Variants in CYLC2 observed in about 807,000 individuals in gnomAD.
CYLC2 encodes the protein cylicin 2.
In CYLC2, 30 loss-of-function variants were observed where a neutral mutation model predicts 26.1. That is an observed-to-expected ratio of 1.15 (90% CI 0.86 to 1.56). The LOEUF is 1.56. Ranked by LOEUF, CYLC2 falls within the 40% of genes most tolerant of loss-of-function variation. The pLI, the probability that CYLC2 is intolerant of heterozygous loss-of-function variation, is 0.00. For missense variants in CYLC2, 498 were observed against 394.4 expected (o/e 1.26, Z -2.23); for synonymous variants, 158 against 132.8 (o/e 1.19, Z -1.31).
intron 6 of CYLC2, among the ~76,000 whole-genome samples, chr9:103,013,751 T>C (rs1487781001): frequency 7.3e-5 from 8 of 110,302 alleles, no homozygotes; most frequent in African/African-American, 1.9e-4. Flanking sequence ...TATATTATAT[T>C]ATATATAATT....
chr9:103,015,809 T>A (rs1339470662), intron 6 of CYLC2, among the ~76,000 whole-genome samples: 1 of 150,364 alleles, frequency 6.7e-6, no homozygotes, highest in Non-Finnish European at 1.5e-5. Context: ...TTTCATATCT[T>A]GTTTTGTCCC....
At chr9:103,009,783 A>T (rs2211279) in intron 5 of CYLC2, among the ~76,000 whole-genome samples, 2 of 151,796 alleles carry the variant, frequency 1.3e-5, no homozygotes, top group East Asian at 3.9e-4. Flanking sequence ...TTTAATTTTT[A>T]GATACAACAA....
At chr9:103,002,754 G>T (rs10990421) in intron 2 of CYLC2, among the ~76,000 whole-genome samples, 4 of 152,084 alleles carry the variant, frequency 2.6e-5, no homozygotes, top group Admixed American at 6.6e-5. Context: ...TGCTGGCATT[G>T]TGCTAAGTAC....
At position 103,006,002 on chromosome 9, in the gene CYLC2, G is replaced by A. The variant is rs1829344200; in HGVS notation, c.*324G>A. Reference sequence around the variant, plus strand: ...TTCAGATAAGGATGTTGAAGATAATGACACTAAATCTATGGACACACACAC... The same window carrying A: ...TTCAGATAAGGATGTTGAAGATAATAACACTAAATCTATGGACACACACAC... On this transcript the variant is annotated 3_prime_UTR_variant, in exon 5 of 8. Transcript: ENST00000374798. The A allele has an allele frequency of 5.7e-6, 1 of 176,546 alleles. No individual in the cohort carries two copies. The highest frequency in any genetic ancestry group is 1.1e-5 in the Non-Finnish European group (1 of 89,914). 10.9% of individuals were successfully genotyped at this position (176,546 alleles called of 1,614,324 possible). A position where few individuals can be genotyped will look rare whatever the true frequency, so the allele number is the denominator to read the frequency against.
chr9:103,014,418 CATA>C (rs202175774), intron 6 of CYLC2, among the ~76,000 whole-genome samples: 58,490 of 106,534 alleles, frequency 0.55, 15,255 homozygotes, highest in Middle Eastern at 0.69. Flanking sequence ...CGTAATGTAA[CATA>C]ATAACATAAT....
At chr9:103,014,191 TATA>T (rs1449552198) in intron 6 of CYLC2, among the ~76,000 whole-genome samples, 1 of 123,458 alleles carries the variant, frequency 8.1e-6, no homozygotes, top group Non-Finnish European at 1.6e-5. Flanking sequence ...ATATATAATA[TATA>T]ATATGAATAT....
intron 3 of CYLC2, 29 bp from the exon 4 acceptor site, chr9:103,004,666 T>C: frequency 6.6e-7 from 1 of 1,513,954 alleles, no homozygotes; most frequent in South Asian, 1.2e-5. Flanking sequence ...ACTCACAAGT[T>C]GTTCATCATT....
chr9:103,014,211 T>C (rs544685508), intron 6 of CYLC2, among the ~76,000 whole-genome samples: 1 of 123,098 alleles, frequency 8.1e-6, no homozygotes, highest in South Asian at 2.4e-4. Context: ...ATATTATATA[T>C]CTCATATATA....
chr9:103,014,452 A>T (rs181423989), intron 6 of CYLC2, among the ~76,000 whole-genome samples: 3 of 129,520 alleles, frequency 2.3e-5, no homozygotes, highest in African/African-American at 8.2e-5. Context: ...TAATATACAT[A>T]ATGTATATTA....
At chr9:103,003,297 ATAAG>A in intron 3 of CYLC2, 34 bp downstream of exon 3, 2 of 1,549,932 alleles carry the variant, frequency 1.3e-6, no homozygotes, top group Non-Finnish European at 1.8e-6. Context: ...ATTATCAGTA[ATAAG>A]TAATAACTTA....
At position 103,000,337 on chromosome 9, in the gene CYLC2, TTCTATTTTGAAAA is replaced by T. The variant is rs201203426; in HGVS notation, c.18-1226_18-1214del. 2.2e-3 allele frequency among the ~76,000 whole-genome samples: 337 copies of T among 152,150 alleles called. 1 individual carries two copies. The highest frequency in any genetic ancestry group is 7.5e-3 in the African/African-American group (311 of 41,564). On this transcript the variant is annotated intron_variant, in intron 1 of 7. Transcript: ENST00000374798. ...AATTATAGAAGAAATTAACAGATCA[TTCTATTTTGAAAA>T]TCTATTTTGAAAATATCAAGTTTAA... is the stretch of plus-strand genomic sequence containing the variant.
In CYLC2 at chr9:103,005,002, A is replaced by G. The variant is rs1458910645; in HGVS notation, c.371A>G (p.Gln124Arg). ...IGKKGEDKTTQKDTTDSESEL... is the reference protein window; with the variant it reads ...IGKKGEDKTTRKDTTDSESEL... Reference sequence around the variant, plus strand: ...AAGAAAGGTGAAGACAAGACAACACAGAAGGACACAACAGATTCGGAATCA... The same window carrying G: ...AAGAAAGGTGAAGACAAGACAACACGGAAGGACACAACAGATTCGGAATCA... Residue 124 changes from glutamine to arginine, a missense_variant, in exon 5 of 8, where the codon CAG becomes CGG. Coordinates refer to ENST00000374798, the MANE Select transcript of CYLC2 (RefSeq NM_001340.5). 3 of 1,589,320 alleles carry G rather than the reference A, an allele frequency of 1.9e-6. No homozygotes were observed. In the South Asian group the frequency reaches 3.5e-5, roughly 18 times the overall value.
At position 103,006,402 on chromosome 9, in the gene CYLC2, C is replaced by CTTATTTATTTATTTATTTATTTATTTAT. The variant is rs374595023; in HGVS notation, c.*700+50_*700+51insATTTATTTATTTATTTATTTATTTATTT. ...TGGTAAGTCAGTTTTGTTTTGTTTA[C>CTTATTTATTTATTTATTTATTTATTTAT]TTATTTATTTATTTATTTATTTATT... On this transcript the variant is annotated intron_variant, in intron 5 of 7. Transcript: ENST00000374798. 7.6e-5 allele frequency: 9 copies of CTTATTTATTTATTTATTTATTTATTTAT among 117,954 alleles called. No individual in the cohort carries two copies. In the East Asian group the frequency reaches 2.0e-3, roughly 26 times the overall value. 7.3% of individuals were successfully genotyped at this position (117,954 alleles called of 1,614,324 possible). A position where few individuals can be genotyped will look rare whatever the true frequency, so the allele number is the denominator to read the frequency against.
At chr9:103,003,012 C>T in intron 2 of CYLC2, 130 bp from the exon 3 acceptor site, 14 of 1,069,884 alleles carry the variant, frequency 1.3e-5, no homozygotes, top group South Asian at 5.4e-5. Context: ...CAAACATTAC[C>T]AAATAAATGA....
At position 103,005,658 on chromosome 9, in the gene CYLC2, G is replaced by T. The variant is rs1829339376; in HGVS notation, c.1027G>T (p.Ala343Ser). The change falls in exon 5 of 8, where the codon GCA (alanine) becomes TCA (serine). Residue 343 changes from alanine (A) to serine (S), a missense_variant. Ala to Ser is a moderately conservative substitution (Grantham distance 99, BLOSUM62 1). Coordinates refer to ENST00000374798, the MANE Select transcript of CYLC2 (RefSeq NM_001340.5). ...TGCAAAGAAGGATGAAAAGAAGGAT[G>T]CAAAGAAGAAGGGCAAGTAGGCCTT... ...KNAKKDEKKD[A>S]KKKGK 2 of 1,608,728 alleles carry T rather than the reference G, an allele frequency of 1.2e-6. No individual in the cohort carries two copies. The highest frequency in any genetic ancestry group is 2.7e-5 in the African/African-American group (2 of 74,428).
At chr9:103,014,499 T>G (rs1255800979) in intron 6 of CYLC2, among the ~76,000 whole-genome samples, 1 of 140,962 alleles carries the variant, frequency 7.1e-6, no homozygotes, top group African/African-American at 2.5e-5. Flanking sequence ...GCAATATACA[T>G]AATATATGTA....
intron 5 of CYLC2, among the ~76,000 whole-genome samples, chr9:103,009,716 C>T (rs958228896): frequency 6.6e-6 from 1 of 151,942 alleles, no homozygotes. Flanking sequence ...TTCAATTCCC[C>T]ACTACCTTTT....
At chr9:102,999,391 C>T (rs1013391536) in intron 1 of CYLC2, among the ~76,000 whole-genome samples, 1 of 151,792 alleles carries the variant, frequency 6.6e-6, no homozygotes, top group African/African-American at 2.4e-5. Flanking sequence ...ATAGATGTCA[C>T]TGGATATCAT....
chr9:103,013,691 A>C (rs1476828011), intron 6 of CYLC2, among the ~76,000 whole-genome samples: 3 of 110,602 alleles, frequency 2.7e-5, no homozygotes, highest in Admixed American at 2.5e-4. Flanking sequence ...GATATATAAT[A>C]TATCCTGTAC....
Sources: allele counts gnomAD v4.1 joint callset (sites outside exome capture counted in the v4.1 genomes callset), GRCh38; gene constraint gnomAD v4.1.1; transcripts MANE v1.5; gene names NCBI Gene and HGNC (gene_info 2026-07-23, HGNC 2026-07-21).